Variants in PDK1 observed in about 807,000 individuals in gnomAD.
PDK1 encodes pyruvate dehydrogenase kinase 1, also known as [Pyruvate dehydrogenase (acetyl-transferring)] kinase isozyme 1, mitochondrial.
In PDK1, 39 loss-of-function variants were observed where a neutral mutation model predicts 54.2. That is an observed-to-expected ratio of 0.72 (90% CI 0.56 to 0.94). The LOEUF is 0.94. Ranked by LOEUF, PDK1 falls within the 40% of genes least tolerant of loss-of-function variation. PDK1 has a pLI of 0.00. For synonymous variants in PDK1, 221 were observed against 207.1 expected (o/e 1.07, Z -0.58); for missense variants, 552 against 566.0 (o/e 0.98, Z 0.25).
chr2:172,619,780 G>T, the PDK1 span, among the ~76,000 whole-genome samples: 1 of 152,182 alleles, frequency 6.6e-6, no homozygotes, highest in African/African-American at 2.4e-5. Context: ...AGTCAGGGAA[G>T]AGTCTCAGTT....
chr2:172,561,224 G>A (rs10208151), intron 2 of PDK1, among the ~76,000 whole-genome samples: 24,833 of 152,112 alleles, frequency 0.16, 2,357 homozygotes, highest in African/African-American at 0.24. Flanking sequence ...TCAGTCATGA[G>A]GTCTGATCGG....
chr2:172,613,499 G>A (rs1326202985), downstream of PDK1, among the ~76,000 whole-genome samples: 2 of 151,908 alleles, frequency 1.3e-5, no homozygotes, highest in African/African-American at 2.4e-5. Context: ...CTGTCACCCA[G>A]GCTGGAGTGC....
At chr2:172,589,398 A>G (rs556719671) in intron 9 of PDK1, among the ~76,000 whole-genome samples, 1 of 152,198 alleles carries the variant, frequency 6.6e-6, no homozygotes, top group South Asian at 2.1e-4. Flanking sequence ...GGAGAAGGCA[A>G]AGTTAGCAGA....
intron 1 of PDK1, 79 bp from the exon 2 acceptor site, chr2:172,558,627 CCT>C (rs935925972): frequency 1.2e-4 from 148 of 1,269,050 alleles, no homozygotes; most frequent in Non-Finnish European, 1.4e-4. Flanking sequence ...CGGATAACTT[CCT>C]CTCTATTTCT....
At chr2:172,712,107 A>G in the PDK1 span, among the ~76,000 whole-genome samples, 5 of 152,098 alleles carry the variant, frequency 3.3e-5, no homozygotes, top group African/African-American at 1.2e-4. Context: ...GTTAGAAACT[A>G]TTGTCTTAAA....
At position 172,586,351 on chromosome 2, in the gene PDK1, C is replaced by G. The variant is rs778170916; in HGVS notation, c.1019C>G (p.Pro340Arg). 6.2e-6 allele frequency: 10 copies of G among 1,612,084 alleles called. No individual in the cohort carries two copies. In the South Asian group the frequency reaches 9.9e-5, roughly 16 times the overall value. ...RLFNYMYSTA[P>R]RPRVETSRAV... ...TTCAACTACATGTATTCAACTGCAC[C>G]AAGACCTCGTGTTGAGACCTCCCGC... is the stretch of plus-strand genomic sequence containing the variant. Residue 340 changes from proline (P) to arginine (R), a missense_variant, in exon 9 of 11, where the codon CCA (proline) becomes CGA (arginine). Transcript: ENST00000282077.
chr2:172,668,618 G>A, the PDK1 span, among the ~76,000 whole-genome samples: 1 of 151,406 alleles, frequency 6.6e-6, no homozygotes, highest in Non-Finnish European at 1.5e-5. Flanking sequence ...TCTTTGGATG[G>A]GTGCTCTGTA....
chr2:172,571,270 C>G (rs1214535782), intron 8 of PDK1, among the ~76,000 whole-genome samples: 2 of 152,174 alleles, frequency 1.3e-5, no homozygotes, highest in Admixed American at 1.3e-4. Context: ...GTGATTAGCT[C>G]AGGATCACAC....
the PDK1 span, among the ~76,000 whole-genome samples, chr2:172,633,503 C>T: frequency 6.9e-6 from 1 of 145,856 alleles, no homozygotes; most frequent in Non-Finnish European, 1.5e-5. Flanking sequence ...ACTGCTGATT[C>T]TGATAATTTA....
chr2:172,609,789 G>A (rs1691404139), downstream of PDK1, among the ~76,000 whole-genome samples: 1 of 152,164 alleles, frequency 6.6e-6, no homozygotes, highest in African/African-American at 2.4e-5. Context: ...ACCTGTAATT[G>A]TTGACAACTA....
chr2:172,688,461 T>G, the PDK1 span, among the ~76,000 whole-genome samples: 12 of 152,184 alleles, frequency 7.9e-5, no homozygotes, highest in African/African-American at 2.4e-4. Context: ...CCTTGCCAGC[T>G]GGGTGGTGTG....
Position 172,600,424 on chromosome 2 carries a change from G to C in PDK1, c.*4455G>C, listed in dbSNP as rs146709451. 2.6e-5 allele frequency: 4 copies of C among 152,148 alleles called. No homozygotes were observed. Among genetic ancestry groups the C allele is most frequent in the Admixed American group, 6.6e-5 (1 of 15,262 alleles). The allele number at this position is 152,148 out of a possible 1,614,324, so 9.4% of individuals were successfully genotyped here. On this transcript the variant is annotated 3_prime_UTR_variant, in exon 11 of 11. Transcript: ENST00000282077. ...AGCATAAACATATCTGGTTTAATAT[G>C]AACTATTTCTTTTCATCTCTTTACT...
Position 172,565,036 on chromosome 2 carries a change from C to T in PDK1, c.654C>T (p.Ser218=). Residue 218 remains serine, a synonymous_variant, in exon 5 of 11, where the codon AGC becomes AGT. Transcript: ENST00000282077. ...GSPSHRKHIG[S]INPNCNVLEV... is the part of the protein sequence containing the mutation. ...CATCTCATCGAAAACACATTGGAAG[C>T]ATAAATCCAAACTGCAATGTACTTG... The T allele has an allele frequency of 1.9e-6, 3 of 1,610,226 alleles. No individual in the cohort carries two copies. The highest frequency in any genetic ancestry group is 1.7e-4 in the Middle Eastern group (1 of 6,050).
At chr2:172,563,392 A>G (rs750514488) in intron 3 of PDK1, among the ~76,000 whole-genome samples, 3 of 152,262 alleles carry the variant, frequency 2.0e-5, no homozygotes, top group African/African-American at 7.2e-5. Context: ...ATTACTAACT[A>G]GGAATTCCAA....
chr2:172,622,992 G>A, the PDK1 span, among the ~76,000 whole-genome samples: 2 of 150,928 alleles, frequency 1.3e-5, no homozygotes, highest in African/African-American at 4.9e-5. Flanking sequence ...TCCCTCTAGA[G>A]AACCCTGGCT....
chr2:172,583,103 A>G (rs1463727646), intron 8 of PDK1, among the ~76,000 whole-genome samples: 2 of 152,138 alleles, frequency 1.3e-5, no homozygotes, highest in African/African-American at 4.8e-5. Flanking sequence ...TAGAATACAC[A>G]TACTTCCTAT....
At chr2:172,573,662 G>GATATATAT (rs60256439) in intron 8 of PDK1, among the ~76,000 whole-genome samples, 2 of 150,468 alleles carry the variant, frequency 1.3e-5, no homozygotes, top group African/African-American at 4.9e-5. Context: ...ACTCTCTCTA[G>GATATATAT]ATATATATAT....
the PDK1 span, among the ~76,000 whole-genome samples, chr2:172,684,995 C>A: frequency 1.3e-5 from 2 of 152,152 alleles, no homozygotes; most frequent in African/African-American, 4.8e-5. Context: ...CTCATGAGAT[C>A]TGATGGTTTT....
the PDK1 span, among the ~76,000 whole-genome samples, chr2:172,645,260 C>CTT: frequency 0.34 from 17,218 of 50,948 alleles, 7,306 homozygotes; most frequent in Admixed American, 0.41. Flanking sequence ...ACAAAATAGG[C>CTT]TTTTTTTTTT....
Sources: allele counts gnomAD v4.1 joint callset (sites outside exome capture counted in the v4.1 genomes callset), GRCh38; gene constraint gnomAD v4.1.1; transcripts MANE v1.5; gene names NCBI Gene and HGNC (gene_info 2026-07-23, HGNC 2026-07-21).